The following GPC5 variants were observed in gnomAD, a reference collection of about 807,000 sequenced individuals.
GPC5 encodes the protein glypican-5.
Under a neutral mutation model 53.9 loss-of-function variants are expected in GPC5, and 47 were observed. The observed-to-expected ratio is 0.87, with a 90% CI of 0.69 to 1.11. The LOEUF (loss-of-function observed/expected upper bound fraction) is 1.11. Ranked by LOEUF, GPC5 falls within the 50% of genes most tolerant of loss-of-function variation. The pLI, the probability that GPC5 is intolerant of heterozygous loss-of-function variation, is 0.00. For synonymous variants in GPC5, 286 were observed against 263.3 expected, an observed-to-expected ratio of 1.09 and a Z score of -0.84; for missense variants, 748 against 713.1, an observed-to-expected ratio of 1.05 and a Z score of -0.56.
At chr13:92,159,207 CT>C (rs1176970272) in intron 7 of GPC5, among the ~76,000 whole-genome samples, 1 of 152,162 alleles carries the variant, frequency 6.6e-6, no homozygotes, top group Non-Finnish European at 1.5e-5. Flanking sequence ...AGGTATTATA[CT>C]TTTATTTTTT....
intron 3 of GPC5, among the ~76,000 whole-genome samples, chr13:91,727,345 G>C (rs963923973): frequency 6.6e-6 from 1 of 151,982 alleles, no homozygotes; most frequent in Non-Finnish European, 1.5e-5. Flanking sequence ...ACCCCCACTG[G>C]GCAAGGATCC....
At chr13:92,035,367 T>C (rs1193018360) in intron 6 of GPC5, among the ~76,000 whole-genome samples, 1 of 152,170 alleles carries the variant, frequency 6.6e-6, no homozygotes, top group Non-Finnish European at 1.5e-5. Flanking sequence ...GTGTTGGAGT[T>C]CTTGGCATAG....
At chr13:92,631,230 A>G (rs1426634196) in intron 7 of GPC5, among the ~76,000 whole-genome samples, 1 of 152,116 alleles carries the variant, frequency 6.6e-6, no homozygotes, top group Non-Finnish European at 1.5e-5. Context: ...AAAGAAAGAA[A>G]ATTGTCACTT....
At chr13:91,530,518 T>C (rs1886295787) in intron 2 of GPC5, among the ~76,000 whole-genome samples, 2 of 152,220 alleles carry the variant, frequency 1.3e-5, no homozygotes. Context: ...ATTTTAAACA[T>C]TGAAAAATCC....
intron 7 of GPC5, among the ~76,000 whole-genome samples, chr13:92,472,500 A>T (rs752615759): frequency 1.3e-5 from 2 of 152,154 alleles, no homozygotes; most frequent in Non-Finnish European, 2.9e-5. Flanking sequence ...AGGGCATTCT[A>T]TTCAGAAGAT....
intron 7 of GPC5, among the ~76,000 whole-genome samples, chr13:92,675,828 G>C (rs553503436): frequency 6.6e-6 from 1 of 152,134 alleles, no homozygotes; most frequent in East Asian, 1.9e-4. Context: ...ACAAGCAGGA[G>C]GTGCTTCTGG....
chr13:92,436,905 A>T (rs1389973764), intron 7 of GPC5, among the ~76,000 whole-genome samples: 1 of 152,222 alleles, frequency 6.6e-6, no homozygotes, highest in Non-Finnish European at 1.5e-5. Context: ...GAATATTTCA[A>T]GGATTTACCT....
chr13:92,186,592 T>G (rs2041292681), intron 7 of GPC5, among the ~76,000 whole-genome samples: 1 of 152,002 alleles, frequency 6.6e-6, no homozygotes, highest in African/African-American at 2.4e-5. Context: ...GCAAAAACAT[T>G]AAGATATTCA....
Position 92,724,010 on chromosome 13 carries a change from C to G in GPC5, c.1562-142272C>G, listed in dbSNP as rs116650926. On this transcript the variant is annotated intron_variant, in intron 7 of 7. Coordinates refer to ENST00000377067, the MANE Select transcript of GPC5 (RefSeq NM_004466.6). ...TTAAGAAAATATAAGTTTAAAAACT[C>G]CAAATATGATCATTTTTTGCTCTTT... Among the ~76,000 whole-genome samples, 571 of 151,474 alleles carry G rather than the reference C, an allele frequency of 3.8e-3. 2 individuals carry two copies. Among genetic ancestry groups the G allele is most frequent in the African/African-American group, 0.012 (510 of 41,422 alleles).
At chr13:92,757,179 A>C (rs1400060454) in intron 7 of GPC5, among the ~76,000 whole-genome samples, 1 of 152,206 alleles carries the variant, frequency 6.6e-6, no homozygotes, top group Non-Finnish European at 1.5e-5. Flanking sequence ...ATAACGCCGC[A>C]TATCTACAAC....
chr13:91,742,420 A>T (rs1015200092), intron 4 of GPC5, among the ~76,000 whole-genome samples: 3 of 152,216 alleles, frequency 2.0e-5, no homozygotes, highest in East Asian at 3.8e-4. Context: ...TGTTTTAAAA[A>T]TGCTCTTACT....
chr13:92,391,624 T>C (rs1300518115), intron 7 of GPC5, among the ~76,000 whole-genome samples: 1 of 152,226 alleles, frequency 6.6e-6, no homozygotes, highest in African/African-American at 2.4e-5. Flanking sequence ...ACTAGCATGA[T>C]GATATCCATC....
At chr13:92,621,009 C>G (rs1206706142) in intron 7 of GPC5, among the ~76,000 whole-genome samples, 4 of 152,180 alleles carry the variant, frequency 2.6e-5, no homozygotes, top group African/African-American at 9.7e-5. Context: ...GTAAAATTCT[C>G]ATTTCACCAT....
intron 7 of GPC5, among the ~76,000 whole-genome samples, chr13:92,369,964 T>C (rs545024270): frequency 6.6e-6 from 1 of 152,342 alleles, no homozygotes; most frequent in East Asian, 1.9e-4. Flanking sequence ...ATCTCATTAG[T>C]GTTTTTAGGC....
chr13:91,998,178 G>C (rs780117874), intron 6 of GPC5, among the ~76,000 whole-genome samples: 1 of 152,104 alleles, frequency 6.6e-6, no homozygotes, highest in East Asian at 1.9e-4. Context: ...CTTACTGCCC[G>C]TGTAGGGCTG....
intron 7 of GPC5, among the ~76,000 whole-genome samples, chr13:92,160,943 T>C (rs1021411386): frequency 6.6e-6 from 1 of 152,184 alleles, no homozygotes; most frequent in South Asian, 2.1e-4. Flanking sequence ...CTCTTCAACA[T>C]CCTGCATACC....
intron 2 of GPC5, among the ~76,000 whole-genome samples, chr13:91,504,519 G>A (rs9523346): frequency 0.51 from 78,219 of 151,912 alleles, 23,886 homozygotes; most frequent in East Asian, 0.7. Flanking sequence ...TTAGATATTA[G>A]CATTGTTCTT....
chr13:91,712,494 A>G (rs2139914327), intron 3 of GPC5, among the ~76,000 whole-genome samples: 1 of 152,284 alleles, frequency 6.6e-6, no homozygotes, highest in Admixed American at 6.5e-5. Context: ...AATATGTAAT[A>G]TGGATTAGAA....
At chr13:92,154,875 C>T (rs1050596934) in intron 7 of GPC5, among the ~76,000 whole-genome samples, 1 of 152,162 alleles carries the variant, frequency 6.6e-6, no homozygotes, top group South Asian at 2.1e-4. Flanking sequence ...CATAATTTCT[C>T]ACTTTATTCC....
Sources: allele counts gnomAD v4.1 joint callset (sites outside exome capture counted in the v4.1 genomes callset), GRCh38; gene constraint gnomAD v4.1.1; transcripts MANE v1.5; gene names NCBI Gene and HGNC (gene_info 2026-07-23, HGNC 2026-07-21).